The following GJB2 variants were observed in gnomAD, a reference collection of about 807,000 sequenced individuals.
GJB2 encodes the protein gap junction beta-2 protein.
A neutral mutation model predicts 16.0 loss-of-function variants in GJB2; 30 were observed. The ratio of observed to expected loss-of-function variants is 1.88; its 90% confidence interval spans 1.41 to 2.55. The LOEUF (loss-of-function observed/expected upper bound fraction) is 2.55, where lower values mean the gene tolerates loss of function less well. Ranked by LOEUF, GJB2 falls within the 30% of genes most tolerant of loss-of-function variation. The probability of loss-of-function intolerance (pLI) is 0.00; values close to 1 mark genes in which losing one functional copy is unlikely to be tolerated. For synonymous variants in GJB2, 123 were observed against 119.1 expected, an observed-to-expected ratio of 1.03 and a Z score of -0.21; for missense variants, 284 against 289.7, an observed-to-expected ratio of 0.98 and a Z score of 0.14.
chr13:20,191,021 G>A (rs774675992), intron 1 of GJB2, among the ~76,000 whole-genome samples: 9 of 152,114 alleles, frequency 5.9e-5, no homozygotes, highest in Non-Finnish European at 1.3e-4. Flanking sequence ...ATTGACATAG[G>A]CCTGTGAAAC....
chr13:20,188,558 T>C lies in GJB2; in HGVS notation c.*343A>G. 1 of 253,606 alleles carries C rather than the reference T, an allele frequency of 3.9e-6. No individual in the cohort carries two copies. The highest frequency in any genetic ancestry group is 7.6e-6 in the Non-Finnish European group (1 of 131,384). The allele number at this position is 253,606 out of a possible 1,614,324, so 15.7% of individuals were successfully genotyped here. A position where few individuals can be genotyped will look rare whatever the true frequency, so the allele number is the denominator to read the frequency against. On this transcript the variant is annotated 3_prime_UTR_variant, in exon 2 of 2. Transcript: ENST00000382848. The stretch of plus-strand genomic sequence containing the variant: ...CTCTGTGGAACCTGGCTTTTTTCTC[T>C]TGTCCTCAGAGAAAGAAACAAATGC...
chr13:20,189,352 C>T lies in GJB2; in HGVS notation c.230G>A (p.Trp77Ter), dbSNP rs104894395. The stretch of plus-strand genomic sequence containing the variant: ...GGACACGAAGATCAGCTGCAGGGCC[C>T]ATAGCCGGATGTGGGAGATGGGGAA... ...HYFPISHIRL[W>*]ALQLIFVSTP... The change falls in exon 2 of 2, where the codon TGG (tryptophan) becomes TAG (stop). Residue 77 changes from tryptophan to a stop codon, truncating the protein, a stop_gained. Transcript: ENST00000382848. LOFTEE classifies it high-confidence loss of function. The T allele has an allele frequency of 6.2e-7, 1 of 1,614,176 alleles. No homozygotes were observed. Among genetic ancestry groups the T allele is most frequent in the East Asian group, 2.2e-5 (1 of 44,880 alleles).
At chr13:20,192,653 G>C (rs1868381396) in intron 1 of GJB2, 130 bp downstream of exon 1, 1 of 152,192 alleles carries the variant, frequency 6.6e-6, no homozygotes, top group Non-Finnish European at 1.5e-5. Flanking sequence ...CCCGCCCCCC[G>C]GCCCAAGGAC....
At chr13:20,192,075 C>T (rs1180710631) in intron 1 of GJB2, among the ~76,000 whole-genome samples, 1 of 152,218 alleles carries the variant, frequency 6.6e-6, no homozygotes, top group Non-Finnish European at 1.5e-5. Flanking sequence ...AGGATCGAGG[C>T]ACTGATGGAA....
chr13:20,190,554 T>C (rs1428554217), intron 1 of GJB2, among the ~76,000 whole-genome samples: 1 of 152,262 alleles, frequency 6.6e-6, no homozygotes, highest in African/African-American at 2.4e-5. Context: ...GCGACGTCAC[T>C]GCATTGCAGT....
Position 20,189,454 on chromosome 13 carries a change from A to G in GJB2, c.128T>C (p.Val43Ala), listed in dbSNP as rs776267945. The change falls in exon 2 of 2, where the codon GTG (valine) becomes GCG (alanine). Residue 43 changes from valine (V) to alanine (A), a missense_variant. Val to Ala is a moderately conservative substitution (Grantham distance 64). Coordinates refer to ENST00000382848, the MANE Select transcript of GJB2 (RefSeq NM_004004.6). ...AAAGTCGGCCTGCTCATCTCCCCACACCTCCTTTGCAGCCACAACGAGGAT... is the reference window on the plus strand; with the variant it reads ...AAAGTCGGCCTGCTCATCTCCCCACGCCTCCTTTGCAGCCACAACGAGGAT... The part of the protein sequence containing the change: ...IMILVVAAKE[V>A]WGDEQADFVC... The G allele has an allele frequency of 3.1e-6, 5 of 1,612,904 alleles. No homozygotes were observed. The Admixed American group carries it at 8.3e-5, about 27-fold the overall frequency.
chr13:20,191,413 C>T (rs2052075498), intron 1 of GJB2, among the ~76,000 whole-genome samples: 1 of 152,196 alleles, frequency 6.6e-6, no homozygotes, highest in Non-Finnish European at 1.5e-5. Context: ...CACCCTTCTA[C>T]AGACCTGTCC....
chr13:20,190,913 C>T (rs927579060), intron 1 of GJB2, among the ~76,000 whole-genome samples: 4 of 152,196 alleles, frequency 2.6e-5, no homozygotes, highest in Non-Finnish European at 5.9e-5. Context: ...TCATGACCCA[C>T]AGTCGCTGCC....
intron 1 of GJB2, among the ~76,000 whole-genome samples, chr13:20,191,241 T>C (rs946086492): frequency 7.9e-5 from 12 of 152,110 alleles, no homozygotes; most frequent in Admixed American, 3.9e-4. Flanking sequence ...AAGCATCTTA[T>C]GGAATTAGAC....
At chr13:20,192,370 C>A (rs1868372817) in intron 1 of GJB2, among the ~76,000 whole-genome samples, 1 of 152,192 alleles carries the variant, frequency 6.6e-6, no homozygotes, top group Non-Finnish European at 1.5e-5. Flanking sequence ...GCTTCACCGG[C>A]GAAACGGAGC....
rs780582902 is a variant in GJB2, at chr13:20,192,173, C to T, written c.-23+610G>A. 1.2e-3 allele frequency among the ~76,000 whole-genome samples: 176 copies of T among 152,184 alleles called. 1 individual carries two copies. Among genetic ancestry groups the T allele is most frequent in the Non-Finnish European group, 1.4e-3 (92 of 68,046 alleles). ...TTTCCTTCTAGGCGGGGAGCACAGC[C>T]CGGAAACAGACCCTCGTGAAGTGTT... is the stretch of plus-strand genomic sequence containing the variant. On this transcript the variant is annotated intron_variant, in intron 1 of 1. Transcript: ENST00000382848.
At chr13:20,192,120 C>T (rs1165016979) in intron 1 of GJB2, among the ~76,000 whole-genome samples, 1 of 152,198 alleles carries the variant, frequency 6.6e-6, no homozygotes, top group African/African-American at 2.4e-5. Context: ...CCGCACACCA[C>T]CTCTTCGCGA....
At position 20,189,436 on chromosome 13, in the gene GJB2, G is replaced by A. The variant is rs1057517976; in HGVS notation, c.146C>T (p.Ala49Val). 7.4e-6 allele frequency: 12 copies of A among 1,612,232 alleles called. No homozygotes were observed. In the East Asian group the frequency reaches 2.5e-4, roughly 33 times the overall value. ...CTGCAGGGTGTTGCAGACAAAGTCG[G>A]CCTGCTCATCTCCCCACACCTCCTT... Reference protein sequence around the residue: ...AAKEVWGDEQADFVCNTLQPG... With the variant: ...AAKEVWGDEQVDFVCNTLQPG... The change falls in exon 2 of 2, where the codon GCC (alanine) becomes GTC (valine). Residue 49 changes from alanine to valine, a missense_variant. Transcript: ENST00000382848.
chr13:20,189,731 CA>C, intron 1 of GJB2, 128 bp from the exon 2 acceptor site: 1 of 757,420 alleles, frequency 1.3e-6, no homozygotes, highest in Non-Finnish European at 2.4e-6. Context: ...TACACAACCT[CA>C]CCAAAACAGG....
At chr13:20,191,714 C>T (rs537483155) in intron 1 of GJB2, among the ~76,000 whole-genome samples, 41 of 152,330 alleles carry the variant, frequency 2.7e-4, no homozygotes, top group Admixed American at 1.6e-3. Flanking sequence ...TGGAGGGCTG[C>T]CAGAGGCCAG....
At chr13:20,190,525 C>T (rs1001547614) in intron 1 of GJB2, among the ~76,000 whole-genome samples, 2 of 152,232 alleles carry the variant, frequency 1.3e-5, no homozygotes, top group Non-Finnish European at 2.9e-5. Flanking sequence ...TCAACTCCCT[C>T]GGTTACTGGC....
chr13:20,187,492 A>G lies in GJB2; in HGVS notation c.*1409T>C, dbSNP rs1959046442. 1 of 152,246 alleles carries G rather than the reference A, an allele frequency of 6.6e-6. No homozygotes were observed. The highest frequency in any genetic ancestry group is 2.4e-5 in the African/African-American group (1 of 41,476). 9.4% of individuals were successfully genotyped at this position (152,246 alleles called of 1,614,324 possible). ...AAATTATTATAGAGATTATATTTTA[A>G]TGTTTTAAATGTATTTGATACATTA... On this transcript the variant is annotated 3_prime_UTR_variant, in exon 2 of 2. Coordinates refer to ENST00000382848, the MANE Select transcript of GJB2 (RefSeq NM_004004.6).
chr13:20,189,020 T>A lies in GJB2; in HGVS notation c.562A>T (p.Lys188Ter). The part of the protein sequence containing the change: ...VDCFVSRPTE[K>*]TVFTVFMIAV... ...ATCATGAACACTGTGAAGACAGTCT[T>A]CTCCGTGGGCCGGGACACAAAGCAG... The change falls in exon 2 of 2, where the codon AAG (lysine) becomes TAG (stop). Residue 188 changes from lysine (K) to a stop codon, truncating the protein, a stop_gained. Transcript: ENST00000382848. LOFTEE classifies it high-confidence loss of function. The A allele has an allele frequency of 6.2e-7, 1 of 1,614,088 alleles. No homozygotes were observed. The highest frequency in any genetic ancestry group is 8.5e-7 in the Non-Finnish European group (1 of 1,179,992).
chr13:20,189,394 A>G lies in GJB2; in HGVS notation c.188T>C (p.Val63Ala), dbSNP rs727504309. Reference protein sequence around the residue: ...CNTLQPGCKNVCYDHYFPISH... With the variant: ...CNTLQPGCKNACYDHYFPISH... ...GATGGGGAAGTAGTGATCGTAGCAC[A>G]CGTTCTTGCAGCCTGGCTGCAGGGT... is the stretch of plus-strand genomic sequence containing the variant. Residue 63 changes from valine to alanine, a missense_variant, in exon 2 of 2, where the codon GTG (valine) becomes GCG (alanine). Coordinates refer to ENST00000382848, the MANE Select transcript of GJB2 (RefSeq NM_004004.6). 9.3e-6 allele frequency: 15 copies of G among 1,613,308 alleles called. No individual in the cohort carries two copies. The Admixed American group carries it at 1.7e-4, about 18-fold the overall frequency.
Sources: allele counts gnomAD v4.1 joint callset (sites outside exome capture counted in the v4.1 genomes callset), GRCh38; gene constraint gnomAD v4.1.1; transcripts MANE v1.5; gene names NCBI Gene and HGNC (gene_info 2026-07-23, HGNC 2026-07-21).